GSDMC: variants seen among roughly 807,000 people sequenced by gnomAD.
GSDMC encodes the protein gasdermin C.
In GSDMC, 59 loss-of-function variants were observed where a neutral mutation model predicts 58.0. The observed-to-expected ratio is 1.02, with a 90% CI of 0.82 to 1.26. The LOEUF (loss-of-function observed/expected upper bound fraction) is 1.26, where lower values mean the gene tolerates loss of function less well. Ranked by LOEUF, GSDMC falls within the 50% of genes most tolerant of loss-of-function variation. GSDMC has a pLI of 0.00. For synonymous variants in GSDMC, 241 were observed against 220.2 expected (o/e 1.09, Z -0.83); for missense variants, 659 against 598.5 (o/e 1.10, Z -1.06).
the GSDMC span, among the ~76,000 whole-genome samples, chr8:129,730,862 T>TA: frequency 6.6e-6 from 1 of 152,116 alleles, no homozygotes; most frequent in Non-Finnish European, 1.5e-5. Context: ...CAAAAAATCC[T>TA]AAAACCATCA....
the GSDMC span, among the ~76,000 whole-genome samples, chr8:129,710,454 T>C: frequency 2.0e-5 from 3 of 152,234 alleles, no homozygotes; most frequent in Non-Finnish European, 4.4e-5. Flanking sequence ...ATCAGCCTGC[T>C]AATGGGATCA....
intron 2 of GSDMC, 126 bp from the exon 3 acceptor site, chr8:129,776,411 CACTT>C (rs1309413671): frequency 9.8e-6 from 6 of 610,642 alleles, no homozygotes; most frequent in Non-Finnish European, 1.1e-5. Flanking sequence ...TCCTCCCACT[CACTT>C]AAACTCTGTT....
the GSDMC span, among the ~76,000 whole-genome samples, chr8:129,726,631 T>C: frequency 6.6e-6 from 1 of 152,172 alleles, no homozygotes; most frequent in Non-Finnish European, 1.5e-5. Context: ...CTGGTATCTA[T>C]TGAAACTAGA....
At chr8:129,742,641 G>C in the GSDMC span, among the ~76,000 whole-genome samples, 56 of 152,060 alleles carry the variant, frequency 3.7e-4, 1 homozygote, top group African/African-American at 1.3e-3. Flanking sequence ...GCTGTTCTTG[G>C]GTTCCTCCTT....
chr8:129,751,609 C>G, intron 9 of GSDMC, 41 bp from the exon 10 acceptor site: 1 of 1,598,920 alleles, frequency 6.3e-7, no homozygotes, highest in South Asian at 1.1e-5. Context: ...TCCTCATCCC[C>G]CCAAATTTGC....
chr8:129,763,719 G>A (rs2033755117), intron 4 of GSDMC, among the ~76,000 whole-genome samples: 1 of 152,058 alleles, frequency 6.6e-6, no homozygotes, highest in East Asian at 1.9e-4. Flanking sequence ...TGGAACTACA[G>A]GTATGCACCA....
the GSDMC span, among the ~76,000 whole-genome samples, chr8:129,719,070 A>C: frequency 3.3e-5 from 5 of 152,178 alleles, no homozygotes; most frequent in African/African-American, 1.2e-4. Context: ...CATTAGTAGA[A>C]ATACCTAATG....
the GSDMC span, among the ~76,000 whole-genome samples, chr8:129,714,721 G>A: frequency 6.7e-6 from 1 of 148,846 alleles, no homozygotes; most frequent in Admixed American, 6.7e-5. Context: ...GATGAAAGAT[G>A]GCTAAGAGGA....
intron 3 of GSDMC, among the ~76,000 whole-genome samples, chr8:129,766,766 T>C (rs577323178): frequency 4.0e-5 from 6 of 151,352 alleles, no homozygotes; most frequent in African/African-American, 4.9e-5. Context: ...ATGAATGGAG[T>C]TCCCCTGGGC....
the GSDMC span, chr8:129,730,501 C>A: frequency 5.0e-6 from 3 of 603,940 alleles, no homozygotes; most frequent in South Asian, 2.9e-5. Context: ...TACAGCACAT[C>A]CACATAGTGT....
At chr8:129,728,747 T>C in the GSDMC span, 1 of 482,690 alleles carries the variant, frequency 2.1e-6, no homozygotes, top group East Asian at 3.8e-5. Context: ...AACTGCACAG[T>C]GCGATATAAA....
chr8:129,730,889 T>G, the GSDMC span, among the ~76,000 whole-genome samples: 1 of 152,172 alleles, frequency 6.6e-6, no homozygotes, highest in Non-Finnish European at 1.5e-5. Context: ...GGTGACCATC[T>G]GTAATCATGA....
chr8:129,770,041 G>A (rs544792656), intron 3 of GSDMC, among the ~76,000 whole-genome samples: 1 of 152,208 alleles, frequency 6.6e-6, no homozygotes, highest in Non-Finnish European at 1.5e-5. Context: ...TTCAACTCTG[G>A]TATAAAAATG....
intron 10 of GSDMC, 43 bp downstream of exon 10, chr8:129,751,499 C>G (rs2033188151): frequency 6.4e-7 from 1 of 1,560,632 alleles, no homozygotes; most frequent in African/African-American, 1.4e-5. Context: ...AGACTTGCAG[C>G]TCCCACCCAG....
intron 6 of GSDMC, among the ~76,000 whole-genome samples, chr8:129,754,648 A>C (rs957654866): frequency 2.0e-5 from 3 of 152,240 alleles, no homozygotes; most frequent in African/African-American, 7.2e-5. Flanking sequence ...AGAAAAAGAG[A>C]CATGTGATCT....
chr8:129,712,099 A>G, the GSDMC span, among the ~76,000 whole-genome samples: 1 of 152,216 alleles, frequency 6.6e-6, no homozygotes, highest in African/African-American at 2.4e-5. Context: ...TCAAAAAATA[A>G]ACATCTTAAT....
intron 5 of GSDMC, 47 bp from the exon 6 acceptor site, chr8:129,760,636 T>TGAGTCTTTCCCATA: frequency 1.8e-6 from 2 of 1,083,592 alleles, no homozygotes; most frequent in East Asian, 2.4e-5. Context: ...AGGTTATTCC[T>TGAGTCTTTCCCATA]GCCTGAACCT....
At position 129,748,701 on chromosome 8, in the gene GSDMC, T is replaced by C. The variant is rs758152327; in HGVS notation, c.1327A>G (p.Ser443Gly). The C allele has an allele frequency of 1.9e-6, 3 of 1,561,686 alleles. No homozygotes were observed. The highest frequency in any genetic ancestry group is 1.2e-5 in the South Asian group (1 of 83,280). ...ILEPNFRYPW[S>G]IPFTLKPELL... ...TCAGGTTTGAGGGTGAAGGGAATGC[T>C]CCAGGGGTATCTGAAGTTTGGCTCC... Residue 443 changes from serine (S) to glycine (G), a missense_variant, in exon 14 of 14, where the codon AGC becomes GGC. Physicochemically the swap from Ser to Gly is moderately conservative, Grantham distance 56. Transcript: ENST00000276708.
At chr8:129,776,856 G>A (rs542252004) in intron 2 of GSDMC, among the ~76,000 whole-genome samples, 1 of 152,158 alleles carries the variant, frequency 6.6e-6, no homozygotes, top group Non-Finnish European at 1.5e-5. Flanking sequence ...CGCCTTCTGG[G>A]CTCAAGCAAT....
Sources: allele counts gnomAD v4.1 joint callset (sites outside exome capture counted in the v4.1 genomes callset), GRCh38; gene constraint gnomAD v4.1.1; transcripts MANE v1.5; gene names NCBI Gene and HGNC (gene_info 2026-07-23, HGNC 2026-07-21).